Variants in CKB observed in about 807,000 individuals in gnomAD.
CKB encodes the protein creatine kinase B.
In CKB, 15 loss-of-function variants were observed where a neutral mutation model predicts 36.9. The observed-to-expected ratio is 0.41, with a 90% CI of 0.27 to 0.63. CKB has a LOEUF of 0.63. Among genes scored for constraint, CKB ranks in the 20% least tolerant of loss-of-function variants. CKB has a pLI of 0.34. For missense variants in CKB, 413 were observed against 534.9 expected, an observed-to-expected ratio of 0.77 and a Z score of 2.25; for synonymous variants, 250 against 228.2, an observed-to-expected ratio of 1.10 and a Z score of -0.86.
Position 103,520,226 on chromosome 14 carries a change from C to T in CKB, c.863G>A (p.Gly288Asp), listed in dbSNP as rs1465776046. Residue 288 changes from glycine to aspartate, a missense_variant, in exon 7 of 8, where the codon GGC (glycine) becomes GAC (aspartate). By Grantham distance (94) the Gly-to-Asp change is moderately conservative. Coordinates refer to ENST00000348956, the MANE Select transcript of CKB (RefSeq NM_001823.5). ...GYILTCPSNL[G>D]TGLRAGVHIK... Reference sequence around the variant, plus strand: ...ATGCACACCTGCCCGCAGCCCGGTGCCCAGGTTGGATGGGCAGGTGAGGAT... The same window carrying T: ...ATGCACACCTGCCCGCAGCCCGGTGTCCAGGTTGGATGGGCAGGTGAGGAT... The T allele has an allele frequency of 1.2e-6, 2 of 1,613,514 alleles. No homozygotes were observed. Among genetic ancestry groups the T allele is most frequent in the African/African-American group, 1.3e-5 (1 of 74,908 alleles).
rs1368045272 is a variant in CKB, at chr14:103,520,726, C to T, written c.654-134G>A. The T allele has an allele frequency of 3.9e-6, 5 of 1,275,872 alleles. No homozygotes were observed. The South Asian group carries it at 4.7e-5, about 12-fold the overall frequency. The allele number at this position is 1,275,872 out of a possible 1,614,324, so 79.0% of individuals were successfully genotyped here. Reference sequence around the variant, plus strand: ...GTGGAGGCTGCTGCCAAGACTCCACCCGCCAACACGGGGCGGGCGGGGGAA... The same window carrying T: ...GTGGAGGCTGCTGCCAAGACTCCACTCGCCAACACGGGGCGGGCGGGGGAA... On this transcript the variant is annotated intron_variant, in intron 5 of 7. Transcript: ENST00000348956.
Position 103,521,227 on chromosome 14 carries a change from G to A in CKB, c.653+36C>T, listed in dbSNP as rs765086884. On this transcript the variant is annotated intron_variant, in intron 5 of 7. Transcript: ENST00000348956. Reference sequence around the variant, plus strand: ...GAGGGAAAGCGGAGGTAGCGGGGAGGGAGGACGCCGCGAGAGGGCGCAGAG... The same window carrying A: ...GAGGGAAAGCGGAGGTAGCGGGGAGAGAGGACGCCGCGAGAGGGCGCAGAG... 2.6e-6 allele frequency: 4 copies of A among 1,548,460 alleles called. No homozygotes were observed. The African/African-American group carries it at 5.5e-5, about 21-fold the overall frequency.
At chr14:103,521,145 CCCT>C (rs137901801) in intron 5 of CKB, 115 bp downstream of exon 5, 29,827 of 1,054,676 alleles carry the variant, frequency 0.028, 5 homozygotes, top group Non-Finnish European at 0.031. Flanking sequence ...GCCGGCCCCT[CCCT>C]CCTCCTCCTC....
chr14:103,520,655 G>A lies in CKB; in HGVS notation c.654-63C>T, dbSNP rs1433865575. On this transcript the variant is annotated intron_variant, in intron 5 of 7. Coordinates refer to ENST00000348956, the MANE Select transcript of CKB (RefSeq NM_001823.5). ...AGCCCCAGGCCGCCCCCAGACCAAA[G>A]GAACTTCCCAAGTCCCTGAGGTGCT... The A allele has an allele frequency of 1.8e-5, 28 of 1,543,474 alleles. No individual in the cohort carries two copies. The Admixed American group carries it at 5.5e-4, about 30-fold the overall frequency.
rs1161227042 is a variant in CKB, at chr14:103,520,189, G to A, written c.900C>T (p.Pro300=). The change falls in exon 7 of 8, where the codon CCC becomes CCT. Residue 300 remains proline, a synonymous_variant. Transcript: ENST00000348956. ...GLRAGVHIKL[P]NLGKHEKFSE... is the part of the protein sequence containing the mutation. ...AGAACTTCTCATGCTTGCCCAGGTT[G>A]GGCAGCTTGATATGCACACCTGCCC... 1 of 1,613,152 alleles carries A rather than the reference G, an allele frequency of 6.2e-7. No individual in the cohort carries two copies. Among genetic ancestry groups the A allele is most frequent in the South Asian group, 1.1e-5 (1 of 91,068 alleles).
Position 103,521,868 on chromosome 14 carries a change from G to A in CKB, c.431C>T (p.Pro144Leu), listed in dbSNP as rs1345323480. 6.4e-7 allele frequency: 1 copy of A among 1,553,138 alleles called. No homozygotes were observed. Among genetic ancestry groups the A allele is most frequent in the Non-Finnish European group, 8.6e-7 (1 of 1,158,968 alleles). ...GCGGCGCTCCCCGCGGCTGCAGTGC[G>A]GGGGGAGGCAGAAGCCACGGATGCT... The part of the protein sequence containing the change: ...GRSIRGFCLP[P>L]HCSRGERRAI... Residue 144 changes from proline (P) to leucine (L), a missense_variant, in exon 4 of 8, where the codon CCG becomes CTG. Transcript: ENST00000348956.
At position 103,520,183 on chromosome 14, in the gene CKB, C is replaced by A. The variant is rs1168829239; in HGVS notation, c.906G>T (p.Leu302=). ...RAGVHIKLPN[L]GKHEKFSEVL... ...CCTCCGAGAACTTCTCATGCTTGCC[C>A]AGGTTGGGCAGCTTGATATGCACAC... The change falls in exon 7 of 8, where the codon CTG becomes CTT. Residue 302 remains leucine (L), a synonymous_variant. Transcript: ENST00000348956. The A allele has an allele frequency of 6.2e-7, 1 of 1,612,460 alleles. No individual in the cohort carries two copies. The highest frequency in any genetic ancestry group is 1.7e-5 in the Admixed American group (1 of 59,870).
Position 103,519,927 on chromosome 14 carries a change from G to C in CKB, c.1083C>G (p.Ile361Met), listed in dbSNP as rs748141906. 2 of 1,609,732 alleles carry C rather than the reference G, an allele frequency of 1.2e-6. No homozygotes were observed. Among genetic ancestry groups the C allele is most frequent in the Admixed American group, 3.3e-5 (2 of 60,020 alleles). The change falls in exon 8 of 8, where the codon ATC becomes ATG. Residue 361 changes from isoleucine to methionine, a missense_variant. Physicochemically the swap from Ile to Met is conservative, Grantham distance 10. Around this residue, in one of 3 missense-constraint regions of CKB, gnomAD observed 314 missense variants for 409.4 expected, o/e 0.77. Transcript: ENST00000348956. The stretch of plus-strand genomic sequence containing the variant: ...CCTGCTCCAGCCGCTGCTCCATCTC[G>C]ATGAGCAGCTTCACTCCGTCCACCA... ...QMVVDGVKLL[I>M]EMEQRLEQGQ...
intron 5 of CKB, 57 bp downstream of exon 5, chr14:103,521,206 G>A (rs1566962552): frequency 6.6e-7 from 1 of 1,526,164 alleles, no homozygotes. Flanking sequence ...GGGCGAGAGG[G>A]AAAGCGGAGG....
chr14:103,521,340 G>A lies in CKB; in HGVS notation c.576C>T (p.Phe192=). 2.5e-6 allele frequency: 4 copies of A among 1,609,986 alleles called. No homozygotes were observed. The highest frequency in any genetic ancestry group is 3.4e-6 in the Non-Finnish European group (4 of 1,179,416). The part of the protein sequence containing the change: ...AEQQQLIDDH[F]LFDKPVSPLL... ...GGGGCGACACGGGCTTGTCGAAGAG[G>A]AAGTGGTCGTCGATGAGCTGCTGCT... Residue 192 remains phenylalanine (F), a synonymous_variant, in exon 5 of 8, where the codon TTC becomes TTT. Transcript: ENST00000348956.
In CKB at chr14:103,520,116, G is replaced by A; in HGVS notation, c.967+6C>T. On this transcript the variant is annotated splice_donor_region_variant and intron_variant, in intron 7 of 7. Transcript: ENST00000348956. The stretch of plus-strand genomic sequence containing the variant: ...CACGGGAAGCCGCAGCACCTGCCCT[G>A]CTCACCTGTGCCTCGCTTCTGAAGT... The A allele has an allele frequency of 6.2e-7, 1 of 1,602,434 alleles. No homozygotes were observed. Among genetic ancestry groups the A allele is most frequent in the Non-Finnish European group, 8.5e-7 (1 of 1,173,738 alleles).
At position 103,520,932 on chromosome 14, in the gene CKB, G is replaced by A. The variant is rs1386658038; in HGVS notation, c.653+331C>T. 1.1e-5 allele frequency: 6 copies of A among 525,098 alleles called. No individual in the cohort carries two copies. The East Asian group carries it at 1.4e-4, about 12-fold the overall frequency. The allele number at this position is 525,098 out of a possible 1,614,324, so 32.5% of individuals were successfully genotyped here. ...TAGAATCCCAGCGGCGGAGGAGTGA[G>A]AAAAGAAAACAAAGAGCTCCAGCTC... is the stretch of plus-strand genomic sequence containing the variant. On this transcript the variant is annotated intron_variant, in intron 5 of 7. Coordinates refer to ENST00000348956, the MANE Select transcript of CKB (RefSeq NM_001823.5).
chr14:103,520,083 C>T (rs1370064979), intron 7 of CKB, 39 bp downstream of exon 7: 11 of 1,604,536 alleles, frequency 6.9e-6, no homozygotes, highest in Non-Finnish European at 9.4e-6. Flanking sequence ...ACAGGGCTGC[C>T]CAAAGGCCAC....
Position 103,520,165 on chromosome 14 carries a change from G to A in CKB, c.924C>T (p.Phe308=), listed in dbSNP as rs2075890241. Reference sequence around the variant, plus strand: ...GTCGCAGCCGCTTAAGCACCTCCGAGAACTTCTCATGCTTGCCCAGGTTGG... The same window carrying A: ...GTCGCAGCCGCTTAAGCACCTCCGAAAACTTCTCATGCTTGCCCAGGTTGG... ...KLPNLGKHEK[F]SEVLKRLRLQ... is the part of the protein sequence containing the mutation. The change falls in exon 7 of 8, where the codon TTC becomes TTT. Residue 308 remains phenylalanine (F), a synonymous_variant. Coordinates refer to ENST00000348956, the MANE Select transcript of CKB (RefSeq NM_001823.5). The A allele has an allele frequency of 1.2e-6, 2 of 1,610,672 alleles. No homozygotes were observed. The highest frequency in any genetic ancestry group is 1.7e-5 in the Admixed American group (1 of 59,650).
chr14:103,520,283 T>C lies in CKB; in HGVS notation c.806A>G (p.Tyr269Cys), dbSNP rs146047573. 7.4e-5 allele frequency: 119 copies of C among 1,612,410 alleles called. No individual in the cohort carries two copies. Among genetic ancestry groups the C allele is most frequent in the Admixed American group, 2.7e-4 (16 of 59,800 alleles). Residue 269 changes from tyrosine (Y) to cysteine (C), a missense_variant, in exon 7 of 8, where the codon TAT (tyrosine) becomes TGT (cysteine). Transcript: ENST00000348956. ...CAGGTGAGGGTTCCACATGAACTCATAGTCCTTAGACTTGAAGAGAGTTTC... is the reference window on the plus strand; with the variant it reads ...CAGGTGAGGGTTCCACATGAACTCACAGTCCTTAGACTTGAAGAGAGTTTC... Reference protein sequence around the residue: ...QIETLFKSKDYEFMWNPHLGY... With the variant: ...QIETLFKSKDCEFMWNPHLGY...
intron 4 of CKB, 103 bp from the exon 5 acceptor site, chr14:103,521,537 G>A (rs2075901281): frequency 1.7e-6 from 2 of 1,152,494 alleles, no homozygotes; most frequent in Admixed American, 3.9e-5. Flanking sequence ...ACGTCAGAGG[G>A]CCCCACCCGC....
chr14:103,520,344 G>A, intron 6 of CKB, 33 bp from the exon 7 acceptor site: 1 of 1,573,666 alleles, frequency 6.4e-7, no homozygotes, highest in Non-Finnish European at 8.7e-7. Flanking sequence ...GAGGGAGAAG[G>A]CCTGCCTGAA....
chr14:103,522,216 T>C lies in CKB; in HGVS notation c.194-39A>G, dbSNP rs939539610. The C allele has an allele frequency of 4.0e-6, 6 of 1,483,668 alleles. No homozygotes were observed. The highest frequency in any genetic ancestry group is 5.4e-6 in the Non-Finnish European group (6 of 1,103,868). 91.9% of individuals were successfully genotyped at this position (1,483,668 alleles called of 1,614,324 possible). ...CGCGGGACGGGGACAGTGACGTCAC[T>C]GCCGGGCCCGAGCGCGCTGCTGAGG... is the stretch of plus-strand genomic sequence containing the variant. On this transcript the variant is annotated intron_variant, in intron 2 of 7. Transcript: ENST00000348956. This position sits in a 1 kb window ranked among gnomAD's most constrained non-coding sequence, Gnocchi z 6.7.
At position 103,522,588 on chromosome 14, in the gene CKB, GC is replaced by G. The variant is rs2075912531; in HGVS notation, c.-12-84del. The G allele has an allele frequency of 1.4e-4, 124 of 887,190 alleles. 1 individual carries two copies. In the South Asian group the frequency reaches 2.9e-3, roughly 21 times the overall value. 55.0% of individuals were successfully genotyped at this position (887,190 alleles called of 1,614,324 possible). A position where few individuals can be genotyped will look rare whatever the true frequency, so the allele number is the denominator to read the frequency against. On this transcript the variant is annotated intron_variant, in intron 1 of 7. Transcript: ENST00000348956. This position sits in a 1 kb window ranked among gnomAD's most constrained non-coding sequence, Gnocchi z 6.7. ...GTACCACTCAGGCCCCCGCCGCCGGGCCCCCCGGCGCCCCCCGGGACGCGGC... is the reference window on the plus strand; with the variant it reads ...GTACCACTCAGGCCCCCGCCGCCGGGCCCCCGGCGCCCCCCGGGACGCGGC...
Sources: allele counts gnomAD v4.1 joint callset, GRCh38; gene constraint gnomAD v4.1.1; regional missense constraint gnomAD v4.1.1; non-coding constraint Gnocchi (gnomAD v3.1); transcripts MANE v1.5; gene names NCBI Gene and HGNC (gene_info 2026-07-23, HGNC 2026-07-21).